SLC39A14: variants seen among roughly 807,000 people sequenced by gnomAD.
SLC39A14 encodes solute carrier family 39 member 14.
In SLC39A14, 19 loss-of-function variants were observed where a neutral mutation model predicts 45.5. The ratio of observed to expected loss-of-function variants is 0.42; its 90% CI spans 0.29 to 0.61. SLC39A14 has a LOEUF of 0.61. Among genes scored for constraint, SLC39A14 ranks in the 20% least tolerant of loss-of-function variants. The pLI, the probability that SLC39A14 is intolerant of heterozygous loss-of-function variation, is 0.22. For synonymous variants in SLC39A14, 264 were observed against 251.3 expected (o/e 1.05, Z -0.48); for missense variants, 447 against 616.5 (o/e 0.73, Z 2.91).
chr8:22,422,826 T>TTG (rs1554522903), downstream of SLC39A14: 8 of 440,680 alleles, frequency 1.8e-5, no homozygotes, highest in East Asian at 1.6e-4. Flanking sequence ...GAAGGTTTTT[T>TTG]TTGTTGTTGT....
chr8:22,412,014 C>T (rs935450492), intron 3 of SLC39A14, 23 bp from the exon 4 acceptor site: 23 of 1,544,064 alleles, frequency 1.5e-5, no homozygotes, highest in Non-Finnish European at 1.9e-5. Context: ...CTGGGTGGGG[C>T]TGGCCCTCCC....
chr8:22,374,956 G>T (rs969853748), intron 1 of SLC39A14, among the ~76,000 whole-genome samples: 5 of 151,968 alleles, frequency 3.3e-5, no homozygotes, highest in Non-Finnish European at 5.9e-5. Context: ...ATGTTGGCCA[G>T]CCTGGTCTCG....
chr8:22,396,416 G>A (rs1586690168), intron 1 of SLC39A14, among the ~76,000 whole-genome samples: 180 of 1,048 alleles, frequency 0.17, 5 homozygotes, highest in Non-Finnish European at 0.19. Context: ...AGAGAGAGGG[G>A]GGGGGGAGAG....
intron 1 of SLC39A14, among the ~76,000 whole-genome samples, chr8:22,377,883 G>C: frequency 6.6e-6 from 1 of 152,166 alleles, no homozygotes. Context: ...CATCTTACCT[G>C]CTGAATACCC....
At chr8:22,397,565 G>T (rs1368615918) in intron 1 of SLC39A14, among the ~76,000 whole-genome samples, 1 of 151,992 alleles carries the variant, frequency 6.6e-6, no homozygotes, top group Non-Finnish European at 1.5e-5. Context: ...GCGAAAGAGC[G>T]GGCGAAAGAG....
At chr8:22,429,584 A>G (rs2132401838) in intron 8 of SLC39A14, among the ~76,000 whole-genome samples, 1 of 152,368 alleles carries the variant, frequency 6.6e-6, no homozygotes, top group South Asian at 2.1e-4. Flanking sequence ...AGCATGTGTA[A>G]ATATACTCCA....
At position 22,367,483 on chromosome 8, in the gene SLC39A14, G is replaced by A. The variant is rs1360466135; in HGVS notation, c.-16+75G>A. 1 of 152,298 alleles carries A rather than the reference G, an allele frequency of 6.6e-6. No homozygotes were observed. Among genetic ancestry groups the A allele is most frequent in the African/African-American group, 2.4e-5 (1 of 41,560 alleles). The allele number at this position is 152,298 out of a possible 1,614,324, so 9.4% of individuals were successfully genotyped here. A position where few individuals can be genotyped will look rare whatever the true frequency, so the allele number is the denominator to read the frequency against. ...CCCGCACCCCAGGCTGGGGCAGTGG[G>A]TGGGGGCGGGGACAGCCCTGCGCCG... On this transcript the variant is annotated intron_variant, in intron 1 of 8. Transcript: ENST00000381237. The surrounding 1 kb of genome is among the most constrained non-coding windows in gnomAD (Gnocchi z 4.2).
chr8:22,409,572 G>A lies in SLC39A14; in HGVS notation c.457+1076G>A, dbSNP rs554850945. Among the ~76,000 whole-genome samples, 14 of 152,066 alleles carry A rather than the reference G, an allele frequency of 9.2e-5. 1 individual carries two copies. The East Asian group carries it at 2.7e-3, about 30-fold the overall frequency. The stretch of plus-strand genomic sequence containing the variant: ...TAATTTTTTGTATTTAGTAGAGATG[G>A]GGTTTCACCATGTTAGTCAGGCCGG... On this transcript the variant is annotated intron_variant, in intron 3 of 8. Transcript: ENST00000381237.
downstream of SLC39A14, among the ~76,000 whole-genome samples, chr8:22,423,781 T>C (rs1043624885): frequency 1.4e-5 from 2 of 144,806 alleles, no homozygotes; most frequent in African/African-American, 2.9e-5. Flanking sequence ...CTCACTTTAA[T>C]TGGTTTCTCT....
At chr8:22,406,396 T>TG (rs1304638321) in intron 2 of SLC39A14, among the ~76,000 whole-genome samples, 57 of 94,618 alleles carry the variant, frequency 6.0e-4, no homozygotes, top group South Asian at 2.2e-3. Context: ...CCTCAAAAGT[T>TG]GGGGGGGAGG....
At chr8:22,380,972 G>A (rs530788726) in intron 1 of SLC39A14, among the ~76,000 whole-genome samples, 41 of 149,128 alleles carry the variant, frequency 2.7e-4, no homozygotes, top group Non-Finnish European at 5.2e-4. Context: ...CACCATGCCC[G>A]GCCTCTGAAT....
At chr8:22,415,706 G>A in intron 5 of SLC39A14, 63 bp from the exon 6 acceptor site, 1 of 1,498,296 alleles carries the variant, frequency 6.7e-7, no homozygotes, top group Non-Finnish European at 9.1e-7. Flanking sequence ...CTTGGAGCAG[G>A]TGCTCAATCA....
rs1171708407 is a variant in SLC39A14, at chr8:22,422,478, T to G, written c.*2780T>G. On this transcript the variant is annotated 3_prime_UTR_variant, in exon 9 of 9. Coordinates refer to ENST00000381237, the MANE Select transcript of SLC39A14 (RefSeq NM_001128431.4). The stretch of plus-strand genomic sequence containing the variant: ...GATGGCAATATGCTGGGCATCTACT[T>G]TAAAACAAAGTTGTCTGATTTTTGC... The G allele has an allele frequency of 1.0e-6, 1 of 985,800 alleles. No individual in the cohort carries two copies. The highest frequency in any genetic ancestry group is 6.1e-5 in the Admixed American group (1 of 16,266). 61.1% of individuals were successfully genotyped at this position (985,800 alleles called of 1,614,324 possible).
At chr8:22,413,800 A>AG (rs1481749113) in intron 4 of SLC39A14, among the ~76,000 whole-genome samples, 1 of 152,136 alleles carries the variant, frequency 6.6e-6, no homozygotes, top group Non-Finnish European at 1.5e-5. Context: ...TTTTTGAGAC[A>AG]GTCTCACTCT....
intron 1 of SLC39A14, among the ~76,000 whole-genome samples, chr8:22,384,395 C>T (rs1340206810): frequency 6.6e-6 from 1 of 151,638 alleles, no homozygotes; most frequent in Non-Finnish European, 1.5e-5. Context: ...GCCCGGGCCT[C>T]TCTCCCACTG....
At position 22,404,846 on chromosome 8, in the gene SLC39A14, G is replaced by A. The variant is rs761615808; in HGVS notation, c.136G>A (p.Asp46Asn). 1.6e-4 allele frequency: 251 copies of A among 1,614,092 alleles called. No homozygotes were observed. Among genetic ancestry groups the A allele is most frequent in the Non-Finnish European group, 2.0e-4 (239 of 1,180,048 alleles). ...PAISAASFLQDLIHRYGEGDS... is the reference protein window; with the variant it reads ...PAISAASFLQNLIHRYGEGDS... ...TATCAGCGCTGCCTCCTTCCTGCAG[G>A]ATCTAATACATCGGTATGGCGAGGG... Residue 46 changes from aspartate (D) to asparagine (N), a missense_variant, in exon 2 of 9, where the codon GAT becomes AAT. Physicochemically the swap from Asp to Asn is conservative, Grantham distance 23. This residue lies in a region of SLC39A14 where 342 missense variants were observed against 428.1 expected (regional missense o/e 0.80). Transcript: ENST00000381237.
intron 1 of SLC39A14, among the ~76,000 whole-genome samples, chr8:22,402,966 G>GTT (rs1554517714): frequency 6.7e-6 from 1 of 150,216 alleles, no homozygotes; most frequent in African/African-American, 2.5e-5. Flanking sequence ...TTTAGTTATG[G>GTT]TGTTTGTTTG....
intron 1 of SLC39A14, among the ~76,000 whole-genome samples, chr8:22,388,707 G>C (rs1328864022): frequency 6.6e-6 from 1 of 152,190 alleles, no homozygotes; most frequent in East Asian, 1.9e-4. Flanking sequence ...CAGGGAGAAA[G>C]CAGAGGATGT....
chr8:22,375,430 A>G (rs1477512921), intron 1 of SLC39A14, among the ~76,000 whole-genome samples: 1 of 150,716 alleles, frequency 6.6e-6, no homozygotes, highest in Non-Finnish European at 1.5e-5. Flanking sequence ...GGCTATCTAC[A>G]CCCATCTTAC....
Sources: gnomAD v4.1 joint callset for allele counts (sites outside exome capture counted in the v4.1 genomes callset) on GRCh38, gnomAD v4.1.1 for gene constraint, gnomAD v4.1.1 regional missense constraint, Gnocchi (gnomAD v3.1) non-coding constraint, MANE v1.5 for transcripts, NCBI Gene and HGNC (gene_info 2026-07-23, HGNC 2026-07-21) for gene names.